Variants in PDK1 observed in about 807,000 individuals in gnomAD.
PDK1 encodes the protein [Pyruvate dehydrogenase (acetyl-transferring)] kinase isozyme 1, mitochondrial.
In PDK1, 39 loss-of-function variants were observed where a neutral mutation model predicts 54.2. The ratio of observed to expected loss-of-function variants is 0.72; its 90% confidence interval spans 0.56 to 0.94. PDK1 has a LOEUF of 0.94. Among genes scored for constraint, PDK1 ranks in the 40% least tolerant of loss-of-function variants. The pLI is 0.00. For synonymous variants in PDK1, 221 were observed against 207.1 expected, an observed-to-expected ratio of 1.07 and a Z score of -0.58; for missense variants, 552 against 566.0, an observed-to-expected ratio of 0.98 and a Z score of 0.25.
chr2:172,681,184 C>T, the PDK1 span, among the ~76,000 whole-genome samples: 15 of 152,058 alleles, frequency 9.9e-5, no homozygotes, highest in Admixed American at 2.0e-4. Context: ...TTATTGGGAA[C>T]GAAAGTTGTG....
At chr2:172,672,717 C>T in the PDK1 span, among the ~76,000 whole-genome samples, 1 of 151,792 alleles carries the variant, frequency 6.6e-6, no homozygotes, top group Admixed American at 6.6e-5. Context: ...ATTAAGTTTA[C>T]AAAGGAATAT....
At chr2:172,576,051 C>A (rs1689564579) in intron 8 of PDK1, among the ~76,000 whole-genome samples, 1 of 151,946 alleles carries the variant, frequency 6.6e-6, no homozygotes, top group Non-Finnish European at 1.5e-5. Flanking sequence ...CCTCAGCCTC[C>A]CGAGTAGCTA....
the PDK1 span, among the ~76,000 whole-genome samples, chr2:172,710,681 C>T: frequency 6.6e-6 from 1 of 152,180 alleles, no homozygotes; most frequent in African/African-American, 2.4e-5. Context: ...TTTCTCTATA[C>T]CAGCCTGCCC....
At chr2:172,666,194 C>T in the PDK1 span, among the ~76,000 whole-genome samples, 1 of 152,208 alleles carries the variant, frequency 6.6e-6, no homozygotes, top group Non-Finnish European at 1.5e-5. Flanking sequence ...CACAGCTCAA[C>T]TTGACTAGGG....
chr2:172,568,900 G>A (rs1180539462), intron 7 of PDK1, 83 bp downstream of exon 7: 2 of 790,668 alleles, frequency 2.5e-6, no homozygotes, highest in Non-Finnish European at 4.5e-6. Context: ...ATTCCACTAG[G>A]TTCTCCTATT....
At chr2:172,698,646 C>T in the PDK1 span, among the ~76,000 whole-genome samples, 3 of 152,324 alleles carry the variant, frequency 2.0e-5, no homozygotes, top group South Asian at 6.2e-4. Flanking sequence ...TTCTGGAGGG[C>T]TGTGGGAAGC....
chr2:172,577,273 T>C (rs1214328410), intron 8 of PDK1, among the ~76,000 whole-genome samples: 1 of 152,188 alleles, frequency 6.6e-6, no homozygotes, highest in Non-Finnish European at 1.5e-5. Context: ...CAACTCTTTT[T>C]GTTTCTGTTT....
At position 172,603,802 on chromosome 2, in the gene PDK1, A is replaced by T. The variant is rs1295968146; in HGVS notation, c.*7833A>T. The T allele has an allele frequency of 6.6e-6, 1 of 152,340 alleles. No individual in the cohort carries two copies. The highest frequency in any genetic ancestry group is 1.9e-4 in the East Asian group (1 of 5,186). The allele number at this position is 152,340 out of a possible 1,614,324, so 9.4% of individuals were successfully genotyped here. The stretch of plus-strand genomic sequence containing the variant: ...GAATGGAAGGCCCTGATAAAACTTC[A>T]TTATTAATGTTCTGCATTAATTTAG... On this transcript the variant is annotated 3_prime_UTR_variant, in exon 11 of 11. Coordinates refer to ENST00000282077, the MANE Select transcript of PDK1 (RefSeq NM_002610.5).
At chr2:172,582,112 C>A (rs1689945807) in intron 8 of PDK1, among the ~76,000 whole-genome samples, 1 of 152,110 alleles carries the variant, frequency 6.6e-6, no homozygotes, top group Non-Finnish European at 1.5e-5. Context: ...AGAGTTTCAC[C>A]ATGTTGGCCA....
the PDK1 span, among the ~76,000 whole-genome samples, chr2:172,694,694 A>G: frequency 6.6e-6 from 1 of 152,184 alleles, no homozygotes; most frequent in Non-Finnish European, 1.5e-5. Flanking sequence ...GACTCTGGCC[A>G]CCCTTGGTCC....
At chr2:172,571,921 T>G (rs923755173) in intron 8 of PDK1, among the ~76,000 whole-genome samples, 7 of 140,252 alleles carry the variant, frequency 5.0e-5, no homozygotes, top group Admixed American at 3.7e-4. Context: ...AACCTCTGCC[T>G]CCTGAGTTCA....
chr2:172,634,262 A>ATTAT, the PDK1 span, among the ~76,000 whole-genome samples: 1 of 139,464 alleles, frequency 7.2e-6, no homozygotes, highest in African/African-American at 2.7e-5. Flanking sequence ...AAATCTATTT[A>ATTAT]TATTATTATT....
At chr2:172,711,865 C>CAAAGAAAAAAA in the PDK1 span, among the ~76,000 whole-genome samples, 1 of 22,780 alleles carries the variant, frequency 4.4e-5, no homozygotes, top group Admixed American at 7.0e-4. Flanking sequence ...GAACCTAGCT[C>CAAAGAAAAAAA]AAAAAAAAAA....
the PDK1 span, among the ~76,000 whole-genome samples, chr2:172,622,319 A>ATGTGAGATATGTTTATATCTCATATATTG: frequency 1.8e-3 from 242 of 137,960 alleles, 2 homozygotes; most frequent in African/African-American, 6.6e-3. Context: ...CTCATATATT[A>ATGTGAGATATGTTTATATCTCATATATTG]TGTGAGATAT....
At chr2:172,565,107 T>TA in intron 5 of PDK1, 34 bp downstream of exon 5, 1 of 1,237,196 alleles carries the variant, frequency 8.1e-7, no homozygotes, top group Non-Finnish European at 1.2e-6. Flanking sequence ...CAAAAAAAGA[T>TA]ACAAAAATCA....
Position 172,596,298 on chromosome 2 carries a change from T to C in PDK1, c.*329T>C, listed in dbSNP as rs2149304254. 5.8e-6 allele frequency: 1 copy of C among 172,878 alleles called. No individual in the cohort carries two copies. Among genetic ancestry groups the C allele is most frequent in the South Asian group, 1.7e-4 (1 of 5,974 alleles). The allele number at this position is 172,878 out of a possible 1,614,324, so 10.7% of individuals were successfully genotyped here. A position where few individuals can be genotyped will look rare whatever the true frequency, so the allele number is the denominator to read the frequency against. ...CTAGTTTTTTTTTTTTAAGAAATAC[T>C]TTCATTTATGTTTGCTAGAAACATT... On this transcript the variant is annotated 3_prime_UTR_variant, in exon 11 of 11. Transcript: ENST00000282077.
In PDK1 at chr2:172,566,901, A is replaced by G. The variant is rs1378025516; in HGVS notation, c.737A>G (p.Asn246Ser). The G allele has an allele frequency of 6.2e-7, 1 of 1,610,348 alleles. No homozygotes were observed. ...ARRLCDLYYI[N>S]SPELELEELN... ...CGTCTGTGTGATTTGTATTATATTAACTCTCCCGAACTAGAACTTGAAGAA... is the reference window on the plus strand; with the variant it reads ...CGTCTGTGTGATTTGTATTATATTAGCTCTCCCGAACTAGAACTTGAAGAA... Residue 246 changes from asparagine to serine, a missense_variant, in exon 6 of 11, where the codon AAC becomes AGC. Transcript: ENST00000282077.
chr2:172,617,926 G>A, the PDK1 span, among the ~76,000 whole-genome samples: 7 of 151,674 alleles, frequency 4.6e-5, no homozygotes, highest in Non-Finnish European at 7.4e-5. Flanking sequence ...AAAACTATTC[G>A]GCAATAACCT....
the PDK1 span, among the ~76,000 whole-genome samples, chr2:172,685,086 T>C: frequency 5.3e-5 from 8 of 152,226 alleles, no homozygotes; most frequent in Admixed American, 5.2e-4. Context: ...CTTCACTTTC[T>C]GCCGTGATTG....
Sources: allele counts gnomAD v4.1 joint callset (sites outside exome capture counted in the v4.1 genomes callset), GRCh38; gene constraint gnomAD v4.1.1; transcripts MANE v1.5; gene names NCBI Gene and HGNC (gene_info 2026-07-23, HGNC 2026-07-21).